SLC46A1: variants seen among roughly 807,000 people sequenced by gnomAD.
SLC46A1 encodes proton-coupled folate transporter.
SLC46A1 carries 17 observed loss-of-function variants against 32.1 expected under a neutral mutation model. That is an observed-to-expected ratio of 0.53 (90% CI 0.36 to 0.79). The LOEUF (loss-of-function observed/expected upper bound fraction) is 0.79, where lower values mean the gene tolerates loss of function less well. SLC46A1 is among the 30% of genes least tolerant of loss of function. SLC46A1 has a pLI of 0.00. For synonymous variants in SLC46A1, 240 were observed against 262.7 expected, an observed-to-expected ratio of 0.91 and a Z score of 0.84; for missense variants, 517 against 588.2, an observed-to-expected ratio of 0.88 and a Z score of 1.25.
At chr17:28,401,032 A>G (rs782167060) in intron 3 of SLC46A1, 6 of 346,998 alleles carry the variant, frequency 1.7e-5, no homozygotes, top group Non-Finnish European at 3.0e-5. Flanking sequence ...CCCAGCACAT[A>G]AAAGAAAAAA....
chr17:28,395,259 A>C lies in SLC46A1; in HGVS notation c.*4397T>G, dbSNP rs2068105593. ...AGGCGTGACCCACCATGCCCAGCTGAATTATTTAATTTCACAGTTATAAAG... is the reference window on the plus strand; with the variant it reads ...AGGCGTGACCCACCATGCCCAGCTGCATTATTTAATTTCACAGTTATAAAG... On this transcript the variant is annotated 3_prime_UTR_variant, in exon 5 of 5. Transcript: ENST00000612814. 6.6e-6 allele frequency: 1 copy of C among 152,184 alleles called. No homozygotes were observed. The highest frequency in any genetic ancestry group is 1.5e-5 in the Non-Finnish European group (1 of 68,048). The allele number at this position is 152,184 out of a possible 1,614,324, so 9.4% of individuals were successfully genotyped here.
In SLC46A1 at chr17:28,406,010, G is replaced by A. The variant is rs1555591338; in HGVS notation, c.105C>T (p.Ala35=). The A allele has an allele frequency of 3.1e-6, 5 of 1,610,718 alleles. No individual in the cohort carries two copies. Among genetic ancestry groups the A allele is most frequent in the Non-Finnish European group, 4.2e-6 (5 of 1,179,082 alleles). The change falls in exon 1 of 5, where the codon GCC becomes GCT. Residue 35 remains alanine, a synonymous_variant. Transcript: ENST00000612814. The surrounding 1 kb of genome is among the most constrained non-coding windows in gnomAD (Gnocchi z 4.5). ...VEPLVFLANF[A]LVLQGPLTTQ... is the part of the protein sequence containing the mutation. Reference sequence around the variant, plus strand: ...TGGTGAGCGGGCCCTGCAGGACCAAGGCAAAGTTGGCCAGGAAGACCAGCG... The same window carrying A: ...TGGTGAGCGGGCCCTGCAGGACCAAAGCAAAGTTGGCCAGGAAGACCAGCG...
In SLC46A1 at chr17:28,395,731, A is replaced by T; in HGVS notation, c.*3925T>A. ...TGCCAGGAACTCTGGGCAAAGGAAA[A>T]ATATTTATTTTTTATTACACTACAA... On this transcript the variant is annotated 3_prime_UTR_variant, in exon 5 of 5. Coordinates refer to ENST00000612814, the MANE Select transcript of SLC46A1 (RefSeq NM_080669.6). The T allele has an allele frequency of 6.2e-6, 4 of 643,604 alleles. No homozygotes were observed. Among genetic ancestry groups the T allele is most frequent in the Non-Finnish European group, 1.1e-5 (4 of 378,242 alleles). 39.9% of individuals were successfully genotyped at this position (643,604 alleles called of 1,614,324 possible). A position where few individuals can be genotyped will look rare whatever the true frequency, so the allele number is the denominator to read the frequency against.
In SLC46A1 at chr17:28,394,966, G is replaced by T. The variant is rs1218318531; in HGVS notation, c.*4690C>A. 6.6e-6 allele frequency: 1 copy of T among 151,922 alleles called. No individual in the cohort carries two copies. The highest frequency in any genetic ancestry group is 2.4e-5 in the African/African-American group (1 of 41,332). The allele number at this position is 151,922 out of a possible 1,614,324, so 9.4% of individuals were successfully genotyped here. A position where few individuals can be genotyped will look rare whatever the true frequency, so the allele number is the denominator to read the frequency against. The stretch of plus-strand genomic sequence containing the variant: ...CTGAGAAAGGGTGGTGATCTAAGTG[G>T]GGATCTAAGGGAGTCTTATCTCTGG... On this transcript the variant is annotated 3_prime_UTR_variant, in exon 5 of 5. Transcript: ENST00000612814.
At chr17:28,403,461 G>A (rs952471541) in intron 2 of SLC46A1, 4 of 152,282 alleles carry the variant, frequency 2.6e-5, no homozygotes, top group Non-Finnish European at 4.4e-5. Context: ...CTCCAAAGAA[G>A]GTATACGATG....
At chr17:28,404,549 A>T (rs782104960) in intron 2 of SLC46A1, 67 bp downstream of exon 2, 6 of 1,576,722 alleles carry the variant, frequency 3.8e-6, no homozygotes, top group Non-Finnish European at 5.2e-6. Context: ...GGGGGCAGTG[A>T]GTGGCCGGCC....
In SLC46A1 at chr17:28,395,478, T is replaced by C; in HGVS notation, c.*4178A>G. Reference sequence around the variant, plus strand: ...ATGTAGGCATGATTGATTAAATCATTGGCCATTGGTGATTGAACTCAATCT... The same window carrying C: ...ATGTAGGCATGATTGATTAAATCATCGGCCATTGGTGATTGAACTCAATCT... On this transcript the variant is annotated 3_prime_UTR_variant, in exon 5 of 5. Coordinates refer to ENST00000612814, the MANE Select transcript of SLC46A1 (RefSeq NM_080669.6). 5.9e-6 allele frequency: 1 copy of C among 170,336 alleles called. No homozygotes were observed. The highest frequency in any genetic ancestry group is 1.3e-5 in the Non-Finnish European group (1 of 78,312). 10.6% of individuals were successfully genotyped at this position (170,336 alleles called of 1,614,324 possible). A position where few individuals can be genotyped will look rare whatever the true frequency, so the allele number is the denominator to read the frequency against.
In SLC46A1 at chr17:28,404,976, G is replaced by C. The variant is rs374760186; in HGVS notation, c.721C>G (p.Arg241Gly). The change falls in exon 2 of 5, where the codon CGG becomes GGG. Residue 241 changes from arginine to glycine, a missense_variant. Arg to Gly is a moderately radical substitution (Grantham distance 125). Coordinates refer to ENST00000612814, the MANE Select transcript of SLC46A1 (RefSeq NM_080669.6). The part of the protein sequence containing the change: ...GETLKEPKST[R>G]LFTFRHHRSI... ...CGGTGGTGACGGAACGTGAAGAGCC[G>C]GGTGGACTTTGGCTCCTTTAAGGTC... 1.2e-6 allele frequency: 2 copies of C among 1,614,004 alleles called. No homozygotes were observed. The highest frequency in any genetic ancestry group is 1.3e-5 in the African/African-American group (1 of 75,028).
At chr17:28,402,409 A>T in intron 2 of SLC46A1, 88 bp from the exon 3 acceptor site, 5 of 1,164,320 alleles carry the variant, frequency 4.3e-6, no homozygotes, top group Non-Finnish European at 6.3e-6. Flanking sequence ...TCCATACCCC[A>T]CGTGGGGCTT....
At chr17:28,399,751 G>A in intron 4 of SLC46A1, 38 bp from the exon 5 acceptor site, 1 of 1,611,788 alleles carries the variant, frequency 6.2e-7, no homozygotes, top group African/African-American at 1.3e-5. Flanking sequence ...ATTTCATGTG[G>A]GGAACCCTCA....
chr17:28,395,792 G>A lies in SLC46A1; in HGVS notation c.*3864C>T. The A allele has an allele frequency of 9.0e-7, 1 of 1,111,636 alleles. No homozygotes were observed. The highest frequency in any genetic ancestry group is 1.3e-6 in the Non-Finnish European group (1 of 745,048). 68.9% of individuals were successfully genotyped at this position (1,111,636 alleles called of 1,614,324 possible). ...AGACATCAAGGTGGACATCAGGACT[G>A]GTGTCCTGCCCTGGGCCCAGCCTCG... On this transcript the variant is annotated 3_prime_UTR_variant, in exon 5 of 5. Coordinates refer to ENST00000612814, the MANE Select transcript of SLC46A1 (RefSeq NM_080669.6).
rs12453383 is a variant in SLC46A1 at position 28,396,688 on chromosome 17, G to A, written c.*2968C>T. 958 of 202,942 alleles carry A rather than the reference G, an allele frequency of 4.7e-3. 35 individuals carry two copies. The Admixed American group carries it at 0.049, about 10-fold the overall frequency. The allele number at this position is 202,942 out of a possible 1,614,324, so 12.6% of individuals were successfully genotyped here. On this transcript the variant is annotated 3_prime_UTR_variant, in exon 5 of 5. Coordinates refer to ENST00000612814, the MANE Select transcript of SLC46A1 (RefSeq NM_080669.6). Reference sequence around the variant, plus strand: ...ACAGGAATTAAGGCAATGCCCAGGCGGGCCTGGGCACTGTATTCTGAGCAA... The same window carrying A: ...ACAGGAATTAAGGCAATGCCCAGGCAGGCCTGGGCACTGTATTCTGAGCAA...
At position 28,396,142 on chromosome 17, in the gene SLC46A1, C is replaced by A; in HGVS notation, c.*3514G>T. ...TGCCCAGCTGTCTGAACCACATTGG[C>A]TCCTGTGCCCACAGGTGGTCCCACG... On this transcript the variant is annotated 3_prime_UTR_variant, in exon 5 of 5. Transcript: ENST00000612814. The A allele has an allele frequency of 6.2e-7, 1 of 1,613,928 alleles. No individual in the cohort carries two copies. Among genetic ancestry groups the A allele is most frequent in the Non-Finnish European group, 8.5e-7 (1 of 1,179,854 alleles).
At position 28,396,342 on chromosome 17, in the gene SLC46A1, AG is replaced by A; in HGVS notation, c.*3313del. 6.2e-7 allele frequency: 1 copy of A among 1,604,714 alleles called. No individual in the cohort carries two copies. Among genetic ancestry groups the A allele is most frequent in the South Asian group, 1.1e-5 (1 of 90,586 alleles). On this transcript the variant is annotated 3_prime_UTR_variant, in exon 5 of 5. Transcript: ENST00000612814. ...CTTCCATTTCCATCGTCCTTTCTGAAGGAACAGCTCCTGAAACCAGTCTCCC... is the reference window on the plus strand; with the variant it reads ...CTTCCATTTCCATCGTCCTTTCTGAAGAACAGCTCCTGAAACCAGTCTCCC...
rs1555587945 is a variant in SLC46A1, at chr17:28,396,248, A to G, written c.*3408T>C. On this transcript the variant is annotated 3_prime_UTR_variant, in exon 5 of 5. Coordinates refer to ENST00000612814, the MANE Select transcript of SLC46A1 (RefSeq NM_080669.6). The stretch of plus-strand genomic sequence containing the variant: ...CCGGGACTCATCTGCAGGCTCTGAC[A>G]CCAGTTTGGAGGGTGCTGCACCCAT... 4.3e-6 allele frequency: 7 copies of G among 1,613,944 alleles called. No individual in the cohort carries two copies. The highest frequency in any genetic ancestry group is 1.1e-5 in the South Asian group (1 of 91,074).
intron 1 of SLC46A1, 135 bp from the exon 2 acceptor site, chr17:28,405,603 T>A: frequency 7.4e-7 from 1 of 1,346,334 alleles, no homozygotes; most frequent in Non-Finnish European, 1.0e-6. Context: ...AGCACAGCTT[T>A]CAAAATCTGC....
In SLC46A1 at chr17:28,406,166, C is replaced by G; in HGVS notation, c.-52G>C. ...GGCGGGCGGCGGGGCGCGCGAGCGA[C>G]TCGCTGCCTGGGACCAGCGACGCGT... On this transcript the variant is annotated 5_prime_UTR_variant, in exon 1 of 5. Transcript: ENST00000612814. The surrounding 1 kb of genome is among the most constrained non-coding windows in gnomAD (Gnocchi z 4.5). 6.2e-6 allele frequency: 8 copies of G among 1,293,828 alleles called. No homozygotes were observed. The highest frequency in any genetic ancestry group is 6.9e-6 in the Non-Finnish European group (7 of 1,011,066). 80.1% of individuals were successfully genotyped at this position (1,293,828 alleles called of 1,614,324 possible).
chr17:28,399,869 T>C lies in SLC46A1; in HGVS notation c.1323-156A>G, dbSNP rs1180266838. 9.6e-6 allele frequency: 7 copies of C among 730,776 alleles called. No homozygotes were observed. The African/African-American group carries it at 1.2e-4, about 13-fold the overall frequency. 45.3% of individuals were successfully genotyped at this position (730,776 alleles called of 1,614,324 possible). A position where few individuals can be genotyped will look rare whatever the true frequency, so the allele number is the denominator to read the frequency against. On this transcript the variant is annotated intron_variant, in intron 4 of 4. Transcript: ENST00000612814. Reference sequence around the variant, plus strand: ...TGAGAAGCTGAGAGCTGGAGGACAATATCCAGGGACATGGCTCTGGAAAAT... The same window carrying C: ...TGAGAAGCTGAGAGCTGGAGGACAACATCCAGGGACATGGCTCTGGAAAAT...
At position 28,404,660 on chromosome 17, in the gene SLC46A1, A is replaced by G. The variant is rs2142464726; in HGVS notation, c.1037T>C (p.Met346Thr). 2.5e-6 allele frequency: 4 copies of G among 1,612,582 alleles called. No homozygotes were observed. Among genetic ancestry groups the G allele is most frequent in the Non-Finnish European group, 3.4e-6 (4 of 1,178,766 alleles). Residue 346 changes from methionine (M) to threonine (T), a missense_variant, in exon 2 of 5, where the codon ATG becomes ACG. By Grantham distance (81) the Met-to-Thr change is moderately conservative (BLOSUM62 -1). Coordinates refer to ENST00000612814, the MANE Select transcript of SLC46A1 (RefSeq NM_080669.6). ...GATAGTGGCAAAGGCAAAGACCACC[A>G]TCCCCAGGATGTTGAAGGCCAGGCC... Reference protein sequence around the residue: ...EIGLAFNILGMVVFAFATITP... With the variant: ...EIGLAFNILGTVVFAFATITP...
Sources: gnomAD v4.1 joint callset for allele counts on GRCh38, gnomAD v4.1.1 for gene constraint, Gnocchi (gnomAD v3.1) non-coding constraint, MANE v1.5 for transcripts, NCBI Gene and HGNC (gene_info 2026-07-23, HGNC 2026-07-21) for gene names.